PHACTR1: variants seen among roughly 807,000 people sequenced by gnomAD.
PHACTR1 encodes the protein phosphatase and actin regulator 1.
PHACTR1 carries 16 observed loss-of-function variants against 69.2 expected under a neutral mutation model. That is an observed-to-expected ratio of 0.23 (90% CI 0.16 to 0.35). PHACTR1 has a LOEUF of 0.35. PHACTR1 is among the 10% of genes least tolerant of loss of function. The pLI is 1.00. For missense variants in PHACTR1, 510 were observed against 734.7 expected (o/e 0.69, Z 3.54); for synonymous variants, 312 against 284.5 (o/e 1.10, Z -0.97).
chr6:12,949,344 C>T (rs1791033556), intron 4 of PHACTR1, among the ~76,000 whole-genome samples: 1 of 151,520 alleles, frequency 6.6e-6, no homozygotes, highest in Admixed American at 6.6e-5. Context: ...AAATTTTCAC[C>T]ACAGTGGAGA....
chr6:13,255,949 A>T (rs895216273), intron 10 of PHACTR1, among the ~76,000 whole-genome samples: 1 of 151,676 alleles, frequency 6.6e-6, no homozygotes, highest in African/African-American at 2.4e-5. Flanking sequence ...CCCAGTGGGG[A>T]CTCTGTGGGG....
chr6:13,102,952 A>T (rs1815421376), intron 5 of PHACTR1, among the ~76,000 whole-genome samples: 6 of 152,084 alleles, frequency 3.9e-5, no homozygotes, highest in African/African-American at 1.4e-4. Flanking sequence ...GGAGCTCACA[A>T]CCTTTGCTTC....
At chr6:12,877,226 G>A (rs978390871) in intron 4 of PHACTR1, among the ~76,000 whole-genome samples, 5 of 152,172 alleles carry the variant, frequency 3.3e-5, no homozygotes, top group Non-Finnish European at 2.9e-5. Flanking sequence ...CAAAGCCATT[G>A]GGGTGACCGC....
chr6:13,181,370 G>A (rs930703726), intron 6 of PHACTR1, among the ~76,000 whole-genome samples: 1 of 152,116 alleles, frequency 6.6e-6, no homozygotes, highest in Admixed American at 6.5e-5. Context: ...GTTTTAAGTC[G>A]GATAATTGCT....
intron 4 of PHACTR1, among the ~76,000 whole-genome samples, chr6:13,053,145 G>A (rs546938974): frequency 3.2e-4 from 49 of 152,202 alleles, no homozygotes; most frequent in African/African-American, 1.1e-3. Flanking sequence ...AATAGAAGTT[G>A]AGCAAATTTG....
At chr6:12,847,896 A>G (rs1009375511) in intron 4 of PHACTR1, among the ~76,000 whole-genome samples, 2 of 152,170 alleles carry the variant, frequency 1.3e-5, no homozygotes, top group East Asian at 3.8e-4. Context: ...AACGATTTCT[A>G]TCTCACTGAT....
chr6:12,957,501 T>C, intron 4 of PHACTR1: 1 of 985,452 alleles, frequency 1.0e-6, no homozygotes, highest in Non-Finnish European at 1.2e-6. Context: ...GCAGGACTCC[T>C]TGGAGACGCC....
rs1014346426 is a variant in PHACTR1, at chr6:13,246,675, T to G, written c.1391+16482T>G. ...TTCTCCCTCACCCACCAAATTTGGCTTCAGGCTTGATGGGATGTGATTTTT... is the reference window on the plus strand; with the variant it reads ...TTCTCCCTCACCCACCAAATTTGGCGTCAGGCTTGATGGGATGTGATTTTT... On this transcript the variant is annotated intron_variant, in intron 10 of 14. Coordinates refer to ENST00000332995, the MANE Select transcript of PHACTR1 (RefSeq NM_030948.6). The surrounding 1 kb of genome is among the most constrained non-coding windows in gnomAD (Gnocchi z 4.2). Among the ~76,000 whole-genome samples, 4 of 152,208 alleles carry G rather than the reference T, an allele frequency of 2.6e-5. No homozygotes were observed. Among genetic ancestry groups the G allele is most frequent in the African/African-American group, 9.6e-5 (4 of 41,466 alleles).
intron 5 of PHACTR1, among the ~76,000 whole-genome samples, chr6:13,103,942 G>C (rs1815619055): frequency 6.6e-6 from 1 of 152,144 alleles, no homozygotes; most frequent in Admixed American, 6.6e-5. Flanking sequence ...AAATTAGTTG[G>C]GCATGGTGGC....
chr6:13,131,202 TACAC>T (rs1290321735), intron 5 of PHACTR1, among the ~76,000 whole-genome samples: 3 of 18,352 alleles, frequency 1.6e-4, no homozygotes, highest in African/African-American at 5.3e-4. Context: ...CATATATATA[TACAC>T]ATACACACAC....
At chr6:13,278,907 G>C (rs1245904169) in intron 12 of PHACTR1, among the ~76,000 whole-genome samples, 2 of 149,682 alleles carry the variant, frequency 1.3e-5, no homozygotes, top group Admixed American at 6.7e-5. Context: ...AGGTTGCAGT[G>C]AGCCGAGATC....
At chr6:12,999,444 A>G (rs887245236) in intron 4 of PHACTR1, among the ~76,000 whole-genome samples, 4 of 152,164 alleles carry the variant, frequency 2.6e-5, no homozygotes, top group African/African-American at 9.7e-5. Context: ...CTAACAAAAT[A>G]CAAAAATTAG....
chr6:12,973,278 A>T (rs768052350), intron 4 of PHACTR1, among the ~76,000 whole-genome samples: 4 of 152,136 alleles, frequency 2.6e-5, no homozygotes, highest in African/African-American at 9.7e-5. Context: ...CAAAAGCAAG[A>T]CTAGATTAAA....
chr6:13,276,662 C>T (rs1466936591), intron 11 of PHACTR1, among the ~76,000 whole-genome samples: 1 of 152,112 alleles, frequency 6.6e-6, no homozygotes, highest in Non-Finnish European at 1.5e-5. Flanking sequence ...ATCCCAGCTA[C>T]TCGGGAGGCT....
chr6:12,953,180 G>A (rs552073879), intron 4 of PHACTR1, among the ~76,000 whole-genome samples: 1 of 152,194 alleles, frequency 6.6e-6, no homozygotes, highest in Non-Finnish European at 1.5e-5. Context: ...AAAATTAGCC[G>A]GGCTTGGTGG....
chr6:13,073,631 C>T (rs1809912918), intron 5 of PHACTR1, among the ~76,000 whole-genome samples: 1 of 151,878 alleles, frequency 6.6e-6, no homozygotes, highest in Non-Finnish European at 1.5e-5. Flanking sequence ...CATGAGCCAC[C>T]ACGCCTGACC....
intron 4 of PHACTR1, among the ~76,000 whole-genome samples, chr6:12,907,407 T>C (rs2127490898): frequency 6.6e-6 from 1 of 152,368 alleles, no homozygotes; most frequent in Middle Eastern, 3.4e-3. Flanking sequence ...ATAAGACTTC[T>C]ATGAATAGTT....
intron 4 of PHACTR1, among the ~76,000 whole-genome samples, chr6:13,052,994 C>T (rs1806184657): frequency 6.6e-6 from 1 of 152,082 alleles, no homozygotes; most frequent in South Asian, 2.1e-4. Context: ...TTGCGTCTGC[C>T]AAGTCTTATT....
chr6:13,025,656 T>A (rs572450760), intron 4 of PHACTR1, among the ~76,000 whole-genome samples: 10 of 147,632 alleles, frequency 6.8e-5, no homozygotes, highest in Admixed American at 2.0e-4. Flanking sequence ...CATAACCAGA[T>A]AAGTCATATA....
Sources: gnomAD v4.1 joint callset for allele counts (sites outside exome capture counted in the v4.1 genomes callset) on GRCh38, gnomAD v4.1.1 for gene constraint, Gnocchi (gnomAD v3.1) non-coding constraint, MANE v1.5 for transcripts, NCBI Gene and HGNC (gene_info 2026-07-23, HGNC 2026-07-21) for gene names.